The following PTPRM variants were observed in gnomAD, a reference collection of about 807,000 sequenced individuals.
The protein encoded by PTPRM is receptor-type tyrosine-protein phosphatase mu.
A neutral mutation model predicts 186.7 loss-of-function variants in PTPRM; 47 were observed. The observed-to-expected ratio is 0.25, with a 90% CI of 0.20 to 0.32. PTPRM has a LOEUF of 0.32. PTPRM is among the 10% of genes least tolerant of loss of function. The pLI, the probability that PTPRM is intolerant of heterozygous loss-of-function variation, is 1.00. For missense variants in PTPRM, 1,494 were observed against 1,865.0 expected, an observed-to-expected ratio of 0.80 and a Z score of 3.66; for synonymous variants, 668 against 674.9, an observed-to-expected ratio of 0.99 and a Z score of 0.16.
intron 1 of PTPRM, among the ~76,000 whole-genome samples, chr18:7,762,767 AG>A (rs1178731518): frequency 6.6e-6 from 1 of 152,216 alleles, no homozygotes; most frequent in African/African-American, 2.4e-5. Flanking sequence ...GCAGTTGTTT[AG>A]GAGATAAGGT....
intron 13 of PTPRM, among the ~76,000 whole-genome samples, chr18:8,139,454 C>G (rs182069959): frequency 6.6e-6 from 1 of 152,312 alleles, no homozygotes; most frequent in Admixed American, 6.5e-5. Context: ...CCCGCTACAG[C>G]CTGCAGTACA....
intron 19 of PTPRM, among the ~76,000 whole-genome samples, chr18:8,272,355 C>T (rs78564177): frequency 0.078 from 11,806 of 150,858 alleles, 495 homozygotes; most frequent in Middle Eastern, 0.12. Flanking sequence ...TTATTCTTTT[C>T]TTATTTTTAA....
At chr18:8,066,511 CCCTAT>C (rs1193199887) in intron 7 of PTPRM, among the ~76,000 whole-genome samples, 8 of 152,122 alleles carry the variant, frequency 5.3e-5, no homozygotes, top group Admixed American at 5.2e-4. Flanking sequence ...AGGCCTTCAT[CCCTAT>C]CCTATGTTGA....
At position 7,567,900 on chromosome 18, in the gene PTPRM, G is replaced by A. The variant is rs1004061455; in HGVS notation, c.73+9G>A. On this transcript the variant is annotated intron_variant, in intron 1 of 32. Transcript: ENST00000580170. This position sits in a 1 kb window ranked among gnomAD's most constrained non-coding sequence, Gnocchi z 4.3. ...GGGCGAGACGTTCTCAGGTAAGCGG[G>A]ACCGCCTCTGCCGCCCCCGAGGCGC... is the stretch of plus-strand genomic sequence containing the variant. The A allele has an allele frequency of 1.3e-6, 2 of 1,546,172 alleles. No individual in the cohort carries two copies. Among genetic ancestry groups the A allele is most frequent in the Non-Finnish European group, 1.7e-6 (2 of 1,153,980 alleles).
At chr18:8,324,666 C>A (rs1377362922) in intron 22 of PTPRM, among the ~76,000 whole-genome samples, 1 of 152,178 alleles carries the variant, frequency 6.6e-6, no homozygotes, top group African/African-American at 2.4e-5. Context: ...ACAGCATTCC[C>A]AGCACTCACA....
intron 2 of PTPRM, among the ~76,000 whole-genome samples, chr18:7,820,260 C>T (rs1437528343): frequency 6.6e-6 from 1 of 152,106 alleles, no homozygotes; most frequent in Admixed American, 6.5e-5. Context: ...ACGTTAGTTC[C>T]TTGGCTGTGA....
intron 1 of PTPRM, among the ~76,000 whole-genome samples, chr18:7,575,325 C>T (rs953950617): frequency 1.3e-5 from 2 of 152,172 alleles, no homozygotes; most frequent in African/African-American, 4.8e-5. Context: ...CCTTAACCCC[C>T]CTGCCTGAGC....
chr18:8,299,962 A>T (rs2095138459), intron 20 of PTPRM, among the ~76,000 whole-genome samples: 1 of 152,042 alleles, frequency 6.6e-6, no homozygotes, highest in Admixed American at 6.6e-5. Flanking sequence ...ATAGTTTTCA[A>T]CTCTCAGGAC....
At chr18:8,400,439 A>G (rs2095866069) in intron 32 of PTPRM, among the ~76,000 whole-genome samples, 1 of 152,202 alleles carries the variant, frequency 6.6e-6, no homozygotes. Context: ...GCTTTCAGAA[A>G]TACCAGTGCA....
chr18:7,791,586 T>C (rs1429440282), intron 2 of PTPRM, among the ~76,000 whole-genome samples: 1 of 152,176 alleles, frequency 6.6e-6, no homozygotes, highest in African/African-American at 2.4e-5. Flanking sequence ...TTCTGTGGGC[T>C]AAGTCTGGAA....
chr18:8,233,433 T>G (rs1210330946), intron 14 of PTPRM, among the ~76,000 whole-genome samples: 2 of 152,348 alleles, frequency 1.3e-5, no homozygotes, highest in East Asian at 3.9e-4. Context: ...AGAGCATCTT[T>G]TTATATGCTC....
chr18:7,602,881 A>C (rs1427483234), intron 1 of PTPRM, among the ~76,000 whole-genome samples: 1 of 147,450 alleles, frequency 6.8e-6, no homozygotes, highest in African/African-American at 2.5e-5. Context: ...TTATTATGAA[A>C]ATATCTAAGA....
At chr18:8,263,935 A>G (rs1169242496) in intron 19 of PTPRM, among the ~76,000 whole-genome samples, 1 of 152,200 alleles carries the variant, frequency 6.6e-6, no homozygotes, top group African/African-American at 2.4e-5. Context: ...TCTAGTGAAT[A>G]AATTAAACCT....
intron 7 of PTPRM, among the ~76,000 whole-genome samples, chr18:7,960,775 C>T (rs1173414566): frequency 4.0e-5 from 6 of 150,726 alleles, no homozygotes; most frequent in Admixed American, 1.3e-4. Flanking sequence ...ATATTACTCA[C>T]ATACCTACAC....
intron 31 of PTPRM, among the ~76,000 whole-genome samples, chr18:8,392,715 G>A (rs2095822482): frequency 6.6e-6 from 1 of 152,134 alleles, no homozygotes; most frequent in Admixed American, 6.5e-5. Context: ...GGACCATTAT[G>A]TGGTTGCAGA....
chr18:8,034,400 G>T (rs1048064552), intron 7 of PTPRM, among the ~76,000 whole-genome samples: 2 of 152,104 alleles, frequency 1.3e-5, no homozygotes, highest in Admixed American at 1.3e-4. Context: ...AATCAGATAT[G>T]TCTGAGCCTC....
At chr18:8,192,054 A>C (rs890010448) in intron 14 of PTPRM, among the ~76,000 whole-genome samples, 3 of 151,768 alleles carry the variant, frequency 2.0e-5, no homozygotes, top group Admixed American at 6.6e-5. Context: ...TGATATTATT[A>C]TTCTAAACTT....
At chr18:7,981,847 A>G (rs1412260808) in intron 7 of PTPRM, among the ~76,000 whole-genome samples, 1 of 152,304 alleles carries the variant, frequency 6.6e-6, no homozygotes, top group Non-Finnish European at 1.5e-5. Flanking sequence ...TTGGAACACA[A>G]TGGTATTTGT....
chr18:7,822,917 G>A (rs139203280), intron 2 of PTPRM, among the ~76,000 whole-genome samples: 1 of 152,118 alleles, frequency 6.6e-6, no homozygotes, highest in African/African-American at 2.4e-5. Context: ...TGCTCTCCGG[G>A]GAACATTTGT....
Sources: allele counts gnomAD v4.1 joint callset (sites outside exome capture counted in the v4.1 genomes callset), GRCh38; gene constraint gnomAD v4.1.1; non-coding constraint Gnocchi (gnomAD v3.1); transcripts MANE v1.5; gene names NCBI Gene and HGNC (gene_info 2026-07-23, HGNC 2026-07-21).